Variants in TMEM255B observed in about 807,000 individuals in gnomAD.
The protein encoded by TMEM255B is transmembrane protein 255B.
In TMEM255B, 35 loss-of-function variants were observed where a neutral mutation model predicts 34.5. The observed-to-expected ratio is 1.01, with a 90% CI of 0.77 to 1.34. The LOEUF (loss-of-function observed/expected upper bound fraction) is 1.34. Ranked by LOEUF, TMEM255B falls within the 40% of genes most tolerant of loss-of-function variation. The pLI is 0.00. For missense variants in TMEM255B, 432 were observed against 433.2 expected (o/e 1.00, Z 0.02); for synonymous variants, 206 against 201.2 (o/e 1.02, Z -0.20).
intron 3 of TMEM255B, among the ~76,000 whole-genome samples, chr13:113,776,773 TC>T (rs2050586108): frequency 6.6e-6 from 1 of 152,158 alleles, no homozygotes. Flanking sequence ...ACCTTGGTTT[TC>T]CCTTGGTTGT....
chr13:113,763,598 A>T (rs570574037), intron 1 of TMEM255B, among the ~76,000 whole-genome samples: 1 of 152,250 alleles, frequency 6.6e-6, no homozygotes, highest in African/African-American at 2.4e-5. Flanking sequence ...AATGTTTTAA[A>T]AAGTACATAG....
chr13:113,764,080 C>A (rs1468295305), intron 1 of TMEM255B, among the ~76,000 whole-genome samples: 1 of 149,612 alleles, frequency 6.7e-6, no homozygotes, highest in South Asian at 2.2e-4. Flanking sequence ...CAAGAAAGGA[C>A]GTGCTCCATG....
chr13:113,803,908 C>T (rs2051112162), intron 7 of TMEM255B, among the ~76,000 whole-genome samples: 1 of 151,236 alleles, frequency 6.6e-6, no homozygotes, highest in Admixed American at 6.6e-5. Context: ...CCGGGGTTTT[C>T]ACCGTGTCCC....
chr13:113,784,826 G>A (rs748230469), intron 3 of TMEM255B, among the ~76,000 whole-genome samples: 14 of 151,508 alleles, frequency 9.2e-5, no homozygotes, highest in Admixed American at 2.6e-4. Flanking sequence ...CACTGCCCAC[G>A]GCTTCCTGGG....
At chr13:113,808,342 A>C (rs2051223711) in intron 8 of TMEM255B, among the ~76,000 whole-genome samples, 1 of 152,072 alleles carries the variant, frequency 6.6e-6, no homozygotes, top group South Asian at 2.1e-4. Context: ...ATCACAGCAG[A>C]AGATGAGTTC....
intron 4 of TMEM255B, among the ~76,000 whole-genome samples, chr13:113,795,976 C>T (rs1338952010): frequency 7.0e-6 from 1 of 143,838 alleles, no homozygotes; most frequent in African/African-American, 2.6e-5. Context: ...GCACACAGCA[C>T]ACACACAACA....
intron 3 of TMEM255B, among the ~76,000 whole-genome samples, chr13:113,778,833 T>C (rs1424346636): frequency 1.3e-5 from 2 of 152,204 alleles, no homozygotes; most frequent in Non-Finnish European, 2.9e-5. Flanking sequence ...CACTGACCCA[T>C]AGAGAAACTG....
chr13:113,792,660 C>T (rs1467141459), intron 3 of TMEM255B, among the ~76,000 whole-genome samples: 1 of 152,250 alleles, frequency 6.6e-6, no homozygotes, highest in East Asian at 1.9e-4. Flanking sequence ...GCACACTGGG[C>T]AGCTACACCA....
At chr13:113,782,983 A>AAGAC (rs1315700722) in intron 3 of TMEM255B, among the ~76,000 whole-genome samples, 1 of 152,084 alleles carries the variant, frequency 6.6e-6, no homozygotes. Context: ...TGTGTTGTTA[A>AAGAC]AGACATGGAA....
chr13:113,785,411 C>T (rs1028965148), intron 3 of TMEM255B, among the ~76,000 whole-genome samples: 1 of 152,194 alleles, frequency 6.6e-6, no homozygotes, highest in African/African-American at 2.4e-5. Flanking sequence ...GCGGGCTTCC[C>T]TCACCCCCAG....
At chr13:113,790,639 C>T (rs2050817069) in intron 3 of TMEM255B, among the ~76,000 whole-genome samples, 1 of 147,898 alleles carries the variant, frequency 6.8e-6, no homozygotes, top group Admixed American at 6.7e-5. Flanking sequence ...CATGGATATC[C>T]TAGCTGTGGA....
chr13:113,800,094 GT>G (rs1437200050), intron 5 of TMEM255B: 105 of 1,168,500 alleles, frequency 9.0e-5, no homozygotes, highest in African/African-American at 2.7e-4. Context: ...GTGTGTGTGT[GT>G]GGGGGGGGGT....
intron 3 of TMEM255B, among the ~76,000 whole-genome samples, chr13:113,779,779 A>G (rs2050639563): frequency 6.6e-6 from 1 of 152,256 alleles, no homozygotes; most frequent in Admixed American, 6.5e-5. Flanking sequence ...TAGCCAGAAA[A>G]ATTAGAATTT....
chr13:113,764,447 T>C (rs2140800566), intron 1 of TMEM255B, among the ~76,000 whole-genome samples: 1 of 152,216 alleles, frequency 6.6e-6, no homozygotes, highest in African/African-American at 2.4e-5. Flanking sequence ...CGGCCTCTGG[T>C]GTCTCAGGAG....
intron 3 of TMEM255B, among the ~76,000 whole-genome samples, chr13:113,775,041 T>G (rs57529775): frequency 1.7e-5 from 1 of 59,708 alleles, no homozygotes; most frequent in Non-Finnish European, 3.1e-5. Context: ...ATGACACACA[T>G]TGCACACACA....
At chr13:113,768,340 G>A (rs550939325) in intron 2 of TMEM255B, 16 of 439,436 alleles carry the variant, frequency 3.6e-5, no homozygotes, top group African/African-American at 3.0e-4. Flanking sequence ...CACCTGCCAG[G>A]ACGGGCCCTG....
intron 3 of TMEM255B, among the ~76,000 whole-genome samples, chr13:113,787,301 A>G (rs759344231): frequency 7.2e-5 from 11 of 152,226 alleles, no homozygotes; most frequent in East Asian, 1.9e-4. Flanking sequence ...TTTGAAAAAC[A>G]TGTATTCTAG....
At chr13:113,799,523 A>G in intron 5 of TMEM255B, 104 bp downstream of exon 5, 1 of 1,121,296 alleles carries the variant, frequency 8.9e-7, no homozygotes, top group Non-Finnish European at 1.3e-6. Context: ...TTTGATTCTA[A>G]TAGTTCCTGG....
chr13:113,801,512 A>C, intron 6 of TMEM255B, 141 bp from the exon 7 acceptor site: 4 of 928,366 alleles, frequency 4.3e-6, no homozygotes, highest in Non-Finnish European at 6.1e-6. Flanking sequence ...CTCCCAGAGC[A>C]GTGCAGGGAT....
Sources: gnomAD v4.1 joint callset for allele counts (sites outside exome capture counted in the v4.1 genomes callset) on GRCh38, gnomAD v4.1.1 for gene constraint, MANE v1.5 for transcripts, NCBI Gene and HGNC (gene_info 2026-07-23, HGNC 2026-07-21) for gene names.